The following IBTK variants were observed in gnomAD, a reference collection of about 807,000 sequenced individuals.
The protein encoded by IBTK is BTK-binding protein.
In IBTK, 83 loss-of-function variants were observed where a neutral mutation model predicts 154.9. The observed-to-expected ratio is 0.54, with a 90% CI of 0.45 to 0.64. The LOEUF (loss-of-function observed/expected upper bound fraction) is 0.64, where lower values mean the gene tolerates loss of function less well. Among genes scored for constraint, IBTK ranks in the 30% least tolerant of loss-of-function variants. The pLI, the probability that IBTK is intolerant of heterozygous loss-of-function variation, is 0.00. For missense variants in IBTK, 1,332 were observed against 1,584.6 expected (o/e 0.84, Z 2.71); for synonymous variants, 515 against 536.1 (o/e 0.96, Z 0.54).
intron 27 of IBTK, 132 bp from the exon 28 acceptor site, chr6:82,172,644 C>T: frequency 1.5e-6 from 1 of 677,060 alleles, no homozygotes; most frequent in Admixed American, 3.3e-5. Flanking sequence ...GAAGCTTTCA[C>T]AGAGATTACA....
chr6:82,197,259 T>A (rs1023241213), intron 21 of IBTK, among the ~76,000 whole-genome samples: 1 of 152,200 alleles, frequency 6.6e-6, no homozygotes, highest in Admixed American at 6.5e-5. Context: ...CCATCTCTTA[T>A]ACATTGTTCT....
chr6:82,235,469 C>T (rs918372299), intron 2 of IBTK, among the ~76,000 whole-genome samples: 2 of 151,998 alleles, frequency 1.3e-5, no homozygotes, highest in African/African-American at 4.8e-5. Context: ...TGGTGCATGC[C>T]TATAATCCCA....
rs1425525687 is a variant in IBTK, at chr6:82,216,193, T to C, written c.1484A>G (p.Asn495Ser). 2 of 1,610,444 alleles carry C rather than the reference T, an allele frequency of 1.2e-6. No individual in the cohort carries two copies. Among genetic ancestry groups the C allele is most frequent in the East Asian group, 4.5e-5 (2 of 44,826 alleles). ...SSDVSYVSDI[N>S]SVYERIRLEK... ...AAGTCGAATTCTTTCATACACACTA[T>C]TTATATCAGAGACATAAGACACATC... is the stretch of plus-strand genomic sequence containing the variant. Residue 495 changes from asparagine to serine, a missense_variant, in exon 11 of 29, where the codon AAT becomes AGT. Physicochemically the swap from Asn to Ser is conservative, Grantham distance 46 (BLOSUM62 1). Coordinates refer to ENST00000306270, the MANE Select transcript of IBTK (RefSeq NM_015525.4).
chr6:82,211,898 A>T (rs1179840831), intron 13 of IBTK, among the ~76,000 whole-genome samples: 2 of 152,070 alleles, frequency 1.3e-5, no homozygotes, highest in East Asian at 3.9e-4. Context: ...ACTTATTTGT[A>T]GTAGCTAATC....
At chr6:82,243,264 T>TAGCAAAG (rs1459525572) in intron 1 of IBTK, among the ~76,000 whole-genome samples, 1 of 150,118 alleles carries the variant, frequency 6.7e-6, no homozygotes, top group Non-Finnish European at 1.5e-5. Flanking sequence ...AAGTGTTTGG[T>TAGCAAAG]AGCAAAGAGA....
chr6:82,240,583 A>G lies in IBTK; in HGVS notation c.-97T>C. The G allele has an allele frequency of 1.1e-6, 1 of 918,352 alleles. No individual in the cohort carries two copies. The highest frequency in any genetic ancestry group is 1.7e-6 in the Non-Finnish European group (1 of 603,742). The allele number at this position is 918,352 out of a possible 1,614,324, so 56.9% of individuals were successfully genotyped here. A position where few individuals can be genotyped will look rare whatever the true frequency, so the allele number is the denominator to read the frequency against. On this transcript the variant is annotated 5_prime_UTR_variant, in exon 2 of 29. Coordinates refer to ENST00000306270, the MANE Select transcript of IBTK (RefSeq NM_015525.4). ...AAAGGTGCTATTGAGGAAGTTACAGAGAATAAATTACCTTTTTAGGATAAT... is the reference window on the plus strand; with the variant it reads ...AAAGGTGCTATTGAGGAAGTTACAGGGAATAAATTACCTTTTTAGGATAAT...
At chr6:82,200,093 G>T in intron 21 of IBTK, 48 bp downstream of exon 21, 1 of 1,138,094 alleles carries the variant, frequency 8.8e-7, no homozygotes, top group Non-Finnish European at 1.3e-6. Flanking sequence ...TATGTGAATA[G>T]AGACATAGAA....
chr6:82,187,127 G>A (rs963284184), intron 25 of IBTK, among the ~76,000 whole-genome samples: 1 of 151,904 alleles, frequency 6.6e-6, no homozygotes, highest in African/African-American at 2.4e-5. Context: ...TGTTGGCCAG[G>A]CTGGTCTCAA....
Position 82,194,477 on chromosome 6 carries a change from A to G in IBTK, c.3338+2T>C, listed in dbSNP as rs766616279. 6.4e-7 allele frequency: 1 copy of G among 1,555,636 alleles called. No individual in the cohort carries two copies. ...AGTTATAGAATAAAATAAAAATCCTACCTGAAAGAACCAGCAACCCAACTG... is the reference window on the plus strand; with the variant it reads ...AGTTATAGAATAAAATAAAAATCCTGCCTGAAAGAACCAGCAACCCAACTG... On this transcript the variant is annotated splice_donor_variant, in intron 23 of 28. Transcript: ENST00000306270. LOFTEE classifies it high-confidence loss of function.
chr6:82,222,101 C>T (rs1483787184), intron 8 of IBTK, among the ~76,000 whole-genome samples: 3 of 147,826 alleles, frequency 2.0e-5, no homozygotes, highest in Non-Finnish European at 1.5e-5. Context: ...ACCTGGGAGG[C>T]GGGGGTTGCA....
chr6:82,239,276 C>A (rs1391138677), intron 2 of IBTK, among the ~76,000 whole-genome samples: 1 of 151,332 alleles, frequency 6.6e-6, no homozygotes, highest in Non-Finnish European at 1.5e-5. Flanking sequence ...CCCATCTCTA[C>A]TAAAAAAATA....
chr6:82,227,276 C>T lies in IBTK; in HGVS notation c.570G>A (p.Val190=). 6.2e-7 allele frequency: 1 copy of T among 1,608,682 alleles called. No individual in the cohort carries two copies. The highest frequency in any genetic ancestry group is 1.1e-5 in the South Asian group (1 of 89,816). ...KQVVLCKFHS[V]FLSQKGQVYT... ...AAACCTGCCCTTTCTGAGACAGAAA[C>T]ACGGAGTGAAATTTACAAAGCACCA... Residue 190 remains valine, a synonymous_variant, in exon 5 of 29, where the codon GTG becomes GTA. Coordinates refer to ENST00000306270, the MANE Select transcript of IBTK (RefSeq NM_015525.4).
rs139782848 is a variant in IBTK, at chr6:82,188,865, A to G, written c.3575+2208T>C. On this transcript the variant is annotated intron_variant, in intron 25 of 28. Transcript: ENST00000306270. ...GCCAACATGGTGAAACCATGTTTCT[A>G]CTAAAAATACAAAAATTAGCCGGGT... 5.4e-3 allele frequency among the ~76,000 whole-genome samples: 829 copies of G among 152,180 alleles called. 9 individuals carry two copies. Among genetic ancestry groups the G allele is most frequent in the African/African-American group, 0.019 (794 of 41,516 alleles).
In IBTK at chr6:82,223,552, T is replaced by C. The variant is rs1386283370; in HGVS notation, c.1012A>G (p.Lys338Glu). 4.3e-6 allele frequency: 7 copies of C among 1,614,154 alleles called. No homozygotes were observed. In the East Asian group the frequency reaches 1.3e-4, roughly 31 times the overall value. Residue 338 changes from lysine to glutamate, a missense_variant, in exon 8 of 29, where the codon AAA becomes GAA. Lys to Glu is a moderately conservative substitution (Grantham distance 56, BLOSUM62 1). Around this residue, in one of 3 missense-constraint regions of IBTK, gnomAD observed 1,134 missense variants for 1,274.7 expected, o/e 0.89. Transcript: ENST00000306270. Reference sequence around the variant, plus strand: ...GCAACCAAAGACAGAGCAATGTCTTTATGGTGAAGGGCAGAGACCTGACGA... The same window carrying C: ...GCAACCAAAGACAGAGCAATGTCTTCATGGTGAAGGGCAGAGACCTGACGA... ...APRQVSALHH[K>E]DIALSLVAAS... is the part of the protein sequence containing the mutation.
At chr6:82,181,855 T>C (rs1023933821) in intron 26 of IBTK, 24 bp downstream of exon 26, 12 of 1,463,544 alleles carry the variant, frequency 8.2e-6, no homozygotes, top group Non-Finnish European at 1.0e-5. Context: ...AGAAAATGTA[T>C]TAGTTTTAAG....
intron 26 of IBTK, among the ~76,000 whole-genome samples, chr6:82,181,376 A>T (rs1457582742): frequency 6.6e-6 from 1 of 152,242 alleles, no homozygotes; most frequent in Admixed American, 6.5e-5. Context: ...ATGGATACCC[A>T]TAACAGCATG....
At chr6:82,216,700 A>T (rs1769888667) in intron 10 of IBTK, among the ~76,000 whole-genome samples, 1 of 152,112 alleles carries the variant, frequency 6.6e-6, no homozygotes, top group South Asian at 2.1e-4. Context: ...TCTTGCATGT[A>T]TTCAGAAAAT....
At chr6:82,193,557 G>C (rs1195111179) in intron 23 of IBTK, among the ~76,000 whole-genome samples, 1 of 152,156 alleles carries the variant, frequency 6.6e-6, no homozygotes, top group African/African-American at 2.4e-5. Context: ...CAGTCCAGAT[G>C]ATAATATGTC....
At chr6:82,207,214 A>G (rs1769447741) in intron 16 of IBTK, among the ~76,000 whole-genome samples, 1 of 152,182 alleles carries the variant, frequency 6.6e-6, no homozygotes, top group Non-Finnish European at 1.5e-5. Context: ...AAAAACTACT[A>G]GAATTAGTGA....
Sources: allele counts gnomAD v4.1 joint callset (sites outside exome capture counted in the v4.1 genomes callset), GRCh38; gene constraint gnomAD v4.1.1; regional missense constraint gnomAD v4.1.1; transcripts MANE v1.5; gene names NCBI Gene and HGNC (gene_info 2026-07-23, HGNC 2026-07-21).